Variants in MYO9A observed in about 807,000 individuals in gnomAD.
The protein encoded by MYO9A is unconventional myosin-IXa.
Under a neutral mutation model 293.3 loss-of-function variants are expected in MYO9A, and 103 were observed. The observed-to-expected ratio is 0.35, with a 90% confidence interval of 0.30 to 0.41. The LOEUF (loss-of-function observed/expected upper bound fraction) is 0.41, where lower values mean the gene tolerates loss of function less well. Ranked by LOEUF, MYO9A falls within the 10% of genes least tolerant of loss-of-function variation. The pLI, the probability that MYO9A is intolerant of heterozygous loss-of-function variation, is 1.00. For missense variants in MYO9A, 2,685 were observed against 3,033.0 expected, an observed-to-expected ratio of 0.89 and a Z score of 2.69; for synonymous variants, 1,001 against 1,035.7, an observed-to-expected ratio of 0.97 and a Z score of 0.64.
At chr15:72,104,209 A>T (rs1181761384) in intron 1 of MYO9A, among the ~76,000 whole-genome samples, 1 of 152,214 alleles carries the variant, frequency 6.6e-6, no homozygotes, top group Non-Finnish European at 1.5e-5. Flanking sequence ...TCAATAGTAT[A>T]TACTGTGTTG....
In MYO9A at chr15:71,883,333, A is replaced by G. The variant is rs1243322430; in HGVS notation, c.5398+261T>C. On this transcript the variant is annotated intron_variant, in intron 28 of 41. Transcript: ENST00000356056. ...ATGGCTACATTTTTTTAGTTTAGAA[A>G]ATTAAGGCTAACCTATGATACACAG... Among the ~76,000 whole-genome samples, 5 of 152,210 alleles carry G rather than the reference A, an allele frequency of 3.3e-5. No homozygotes were observed. In the East Asian group the frequency reaches 9.6e-4, roughly 29 times the overall value.
chr15:72,101,762 A>C (rs1396510489), intron 1 of MYO9A, among the ~76,000 whole-genome samples: 7 of 131,118 alleles, frequency 5.3e-5, no homozygotes, highest in African/African-American at 1.7e-4. Context: ...GGCCGCCCCT[A>C]CTGGGAAGTG....
chr15:72,105,674 A>C (rs141323924), intron 1 of MYO9A, among the ~76,000 whole-genome samples: 2,654 of 151,846 alleles, frequency 0.017, 36 homozygotes, highest in Non-Finnish European at 0.026. Context: ...CGCCCAGCTA[A>C]TTTTGTATTT....
chr15:71,867,806 A>T (rs1304798389), intron 32 of MYO9A, among the ~76,000 whole-genome samples: 11 of 93,756 alleles, frequency 1.2e-4, no homozygotes, highest in East Asian at 6.8e-4. Context: ...CATCACACAC[A>T]CACACACACA....
intron 33 of MYO9A, among the ~76,000 whole-genome samples, chr15:71,861,628 ATATTTATTAAAACTTACT>A (rs2056127427): frequency 6.7e-6 from 1 of 148,336 alleles, no homozygotes; most frequent in Non-Finnish European, 1.5e-5. Flanking sequence ...TAACCAACAA[ATATTTATTAAAACTTACT>A]ATGTGCCATC....
chr15:71,927,534 A>T (rs1031767847), intron 18 of MYO9A, among the ~76,000 whole-genome samples: 1 of 152,162 alleles, frequency 6.6e-6, no homozygotes, highest in African/African-American at 2.4e-5. Context: ...CAAAATATGT[A>T]CATACTCAAA....
intron 20 of MYO9A, 136 bp downstream of exon 20, chr15:71,904,790 A>T: frequency 2.1e-6 from 1 of 473,040 alleles, no homozygotes; most frequent in Non-Finnish European, 3.5e-6. Flanking sequence ...AAATCCATTT[A>T]AAGTGTTTAT....
At chr15:71,880,977 T>C (rs1488443899) in intron 28 of MYO9A, among the ~76,000 whole-genome samples, 1 of 152,164 alleles carries the variant, frequency 6.6e-6, no homozygotes, top group East Asian at 1.9e-4. Context: ...TATGTGTAGC[T>C]ATATACAAGT....
In MYO9A at chr15:71,826,962, T is replaced by C. The variant is rs779098150; in HGVS notation, c.7265A>G (p.Gln2422Arg). 6.2e-7 allele frequency: 1 copy of C among 1,613,734 alleles called. No homozygotes were observed. The highest frequency in any genetic ancestry group is 1.3e-5 in the African/African-American group (1 of 74,914). Residue 2422 changes from glutamine (Q) to arginine (R), a missense_variant, in exon 42 of 42, where the codon CAG becomes CGG. This residue lies in a region of MYO9A where 350 missense variants were observed against 328.9 expected (regional missense o/e 1.06). Coordinates refer to ENST00000356056, the MANE Select transcript of MYO9A (RefSeq NM_006901.4). ...GTCCACGACATCTAAAGAGTCTTGCTGCTTTTTAAGTTGCTTTCGCAACTT... is the reference window on the plus strand; with the variant it reads ...GTCCACGACATCTAAAGAGTCTTGCCGCTTTTTAAGTTGCTTTCGCAACTT... ...SSKLRKQLKKQQDSLDVVDSS... is the reference protein window; with the variant it reads ...SSKLRKQLKKRQDSLDVVDSS...
intron 1 of MYO9A, among the ~76,000 whole-genome samples, chr15:72,069,102 G>A (rs1271603553): frequency 1.3e-5 from 2 of 152,126 alleles, no homozygotes; most frequent in African/African-American, 4.8e-5. Flanking sequence ...GCCTTATACT[G>A]CCTCATAGCT....
At chr15:72,064,479 C>T (rs77240265) in intron 1 of MYO9A, among the ~76,000 whole-genome samples, 6,725 of 152,022 alleles carry the variant, frequency 0.044, 263 homozygotes, top group East Asian at 0.18. Context: ...TTTTAAAAAG[C>T]ATAGATGGGG....
intron 40 of MYO9A, among the ~76,000 whole-genome samples, 177 bp downstream of exon 40, chr15:71,829,930 ACT>A (rs2054648635): frequency 6.6e-6 from 1 of 152,074 alleles, no homozygotes; most frequent in Non-Finnish European, 1.5e-5. Flanking sequence ...AGAGGGAACA[ACT>A]CTCACACTGT....
chr15:72,118,396 C>T (rs1335429119), upstream of MYO9A: 1 of 157,994 alleles, frequency 6.3e-6, no homozygotes, highest in Admixed American at 6.5e-5. Flanking sequence ...AGTTTGCGAC[C>T]GTAGCTGTCG....
chr15:71,946,020 CA>C (rs2058909633), intron 15 of MYO9A, among the ~76,000 whole-genome samples: 1 of 152,184 alleles, frequency 6.6e-6, no homozygotes, highest in Non-Finnish European at 1.5e-5. Flanking sequence ...TTAACATGGT[CA>C]AGCCAACCTT....
chr15:72,005,594 A>G (rs1348574342), intron 8 of MYO9A, among the ~76,000 whole-genome samples: 2 of 152,204 alleles, frequency 1.3e-5, no homozygotes, highest in African/African-American at 2.4e-5. Context: ...ACTTCTTTCC[A>G]GTAAGTCTAG....
chr15:72,019,175 T>G, intron 5 of MYO9A, 80 bp from the exon 6 acceptor site: 1 of 1,153,520 alleles, frequency 8.7e-7, no homozygotes, highest in Admixed American at 1.7e-5. Flanking sequence ...GGTGTGCAAG[T>G]AGTACTGCTG....
At chr15:72,004,479 C>T (rs1461380259) in intron 8 of MYO9A, among the ~76,000 whole-genome samples, 1 of 152,136 alleles carries the variant, frequency 6.6e-6, no homozygotes, top group Non-Finnish European at 1.5e-5. Context: ...ATGGCTTGGA[C>T]CCGGGAGGCA....
At chr15:72,072,791 G>C (rs1393209817) in intron 1 of MYO9A, among the ~76,000 whole-genome samples, 1 of 151,962 alleles carries the variant, frequency 6.6e-6, no homozygotes, top group Non-Finnish European at 1.5e-5. Flanking sequence ...TACCTATTGG[G>C]TATTATGTTC....
At chr15:72,049,354 C>T (rs1393457479) in intron 1 of MYO9A, among the ~76,000 whole-genome samples, 1 of 152,180 alleles carries the variant, frequency 6.6e-6, no homozygotes, top group Non-Finnish European at 1.5e-5. Flanking sequence ...TGAGGATATA[C>T]TCTGAGTTAC....
Sources: allele counts gnomAD v4.1 joint callset (sites outside exome capture counted in the v4.1 genomes callset), GRCh38; gene constraint gnomAD v4.1.1; regional missense constraint gnomAD v4.1.1; transcripts MANE v1.5; gene names NCBI Gene and HGNC (gene_info 2026-07-23, HGNC 2026-07-21).